The following TTC38 variants were observed in gnomAD, a reference collection of about 807,000 sequenced individuals.
TTC38 encodes the protein tetratricopeptide repeat domain 38.
Under a neutral mutation model 64.2 loss-of-function variants are expected in TTC38, and 64 were observed. The observed-to-expected ratio is 1.00, with a 90% CI of 0.81 to 1.23. The LOEUF (loss-of-function observed/expected upper bound fraction) is 1.23. Among genes scored for constraint, TTC38 ranks in the 50% most tolerant of loss-of-function variants. The pLI is 0.00. For missense variants in TTC38, 573 were observed against 615.5 expected (o/e 0.93, Z 0.73); for synonymous variants, 254 against 249.3 (o/e 1.02, Z -0.18).
chr22:46,288,406 C>T lies in TTC38; in HGVS notation c.917-17C>T, dbSNP rs2077586731. The stretch of plus-strand genomic sequence containing the variant: ...GAGCCTCACTCCAGGCCCTGGGTCT[C>T]CTCCCCATGTCCTCAGGAGTGTCTG... On this transcript the variant is annotated splice_polypyrimidine_tract_variant and intron_variant, in intron 10 of 13. Coordinates refer to ENST00000381031, the MANE Select transcript of TTC38 (RefSeq NM_017931.4). The T allele has an allele frequency of 6.2e-7, 1 of 1,610,020 alleles. No homozygotes were observed.
At chr22:46,269,753 C>T (rs1173506995) in intron 2 of TTC38, among the ~76,000 whole-genome samples, 1 of 152,140 alleles carries the variant, frequency 6.6e-6, no homozygotes, top group Admixed American at 6.6e-5. Flanking sequence ...TGACCTGGCT[C>T]ACTTGCCCTT....
rs1434414789 is a variant in TTC38, at chr22:46,270,205, T to C, written c.111+1614T>C. Among the ~76,000 whole-genome samples the C allele has an allele frequency of 2.0e-5, 3 of 152,224 alleles. No homozygotes were observed. In the East Asian group the frequency reaches 5.8e-4, roughly 29 times the overall value. Reference sequence around the variant, plus strand: ...TCTCTGTGCTGTCCTGTGTTAGAACTTGGCTTCTTTAAATCTCTGTGCCAA... The same window carrying C: ...TCTCTGTGCTGTCCTGTGTTAGAACCTGGCTTCTTTAAATCTCTGTGCCAA... On this transcript the variant is annotated intron_variant, in intron 2 of 13. Transcript: ENST00000381031. The surrounding 1 kb of genome is among the most constrained non-coding windows in gnomAD (Gnocchi z 4.7).
chr22:46,285,357 C>A, intron 9 of TTC38, 78 bp downstream of exon 9: 1 of 1,367,884 alleles, frequency 7.3e-7, no homozygotes, highest in Non-Finnish European at 1.0e-6. Context: ...TTTTTGAGTT[C>A]ATCAGGATTG....
In TTC38 at chr22:46,291,855, C is replaced by T. The variant is rs1196549733; in HGVS notation, c.1317-936C>T. ...CCTGTAATCCCGGCTAGTCGGGAGC[C>T]TGAGGCAGGAGAATCGCTTGAACCT... On this transcript the variant is annotated intron_variant, in intron 13 of 13. Transcript: ENST00000381031. The surrounding 1 kb of genome is among the most constrained non-coding windows in gnomAD (Gnocchi z 4.6). Among the ~76,000 whole-genome samples the T allele has an allele frequency of 6.6e-6, 1 of 152,184 alleles. No individual in the cohort carries two copies. Among genetic ancestry groups the T allele is most frequent in the Non-Finnish European group, 1.5e-5 (1 of 68,038 alleles).
chr22:46,288,573 T>C lies in TTC38; in HGVS notation c.1067T>C (p.Leu356Pro), dbSNP rs918176818. Reference protein sequence around the residue: ...PQTTQELLTTLRDASESPGEN... With the variant: ...PQTTQELLTTPRDASESPGEN... ...ACCACACAGGAGCTGCTGACCACCC[T>C]GCGGGACGCCAGCGAGTATGCAGAG... The change falls in exon 11 of 14, where the codon CTG (leucine) becomes CCG (proline). Residue 356 changes from leucine (L) to proline (P), a missense_variant. Transcript: ENST00000381031. The C allele has an allele frequency of 6.2e-7, 1 of 1,612,864 alleles. No individual in the cohort carries two copies. Among genetic ancestry groups the C allele is most frequent in the Non-Finnish European group, 8.5e-7 (1 of 1,179,488 alleles).
At position 46,282,735 on chromosome 22, in the gene TTC38, G is replaced by A. The variant is rs894973697; in HGVS notation, c.735+1017G>A. Among the ~76,000 whole-genome samples the A allele has an allele frequency of 3.3e-5, 5 of 152,072 alleles. No homozygotes were observed. Among genetic ancestry groups the A allele is most frequent in the African/African-American group, 4.8e-5 (2 of 41,412 alleles). On this transcript the variant is annotated intron_variant, in intron 7 of 13. Transcript: ENST00000381031. This position sits in a 1 kb window ranked among gnomAD's most constrained non-coding sequence, Gnocchi z 4.4. ...GGCACTCTAGCTTGTTGAGGATCAC[G>A]AGTCCAGTCTCCTGAGCTTGGAAAT...
chr22:46,284,024 A>G lies in TTC38; in HGVS notation c.787A>G (p.Ile263Val). The G allele has an allele frequency of 1.4e-5, 22 of 1,602,128 alleles. No individual in the cohort carries two copies. Among genetic ancestry groups the G allele is most frequent in the Non-Finnish European group, 1.9e-5 (22 of 1,175,694 alleles). Residue 263 changes from isoleucine to valine, a missense_variant, in exon 8 of 14, where the codon ATT (isoleucine) becomes GTT (valine). Ile to Val is a conservative substitution (Grantham distance 29, BLOSUM62 3). Coordinates refer to ENST00000381031, the MANE Select transcript of TTC38 (RefSeq NM_017931.4). ...HNYWHWALYL[I>V]EKGEYEAALT... ...CTATTGGCACTGGGCTTTATATCTG[A>G]TTGAGAAGGTAAGGTGACCATCTGT... is the stretch of plus-strand genomic sequence containing the variant.
rs1221321674 is a variant in TTC38 at position 46,280,569 on chromosome 22, C to T, written c.616-1030C>T. ...CCTGCTTAGACTGTGCCCAAGTGTC[C>T]TGTACTCAGAGCCCCTGCCCAGGGG... On this transcript the variant is annotated intron_variant, in intron 6 of 13. Transcript: ENST00000381031. 7.2e-5 allele frequency among the ~76,000 whole-genome samples: 11 copies of T among 152,372 alleles called. No individual in the cohort carries two copies. The East Asian group carries it at 1.7e-3, about 24-fold the overall frequency.
intron 9 of TTC38, among the ~76,000 whole-genome samples, chr22:46,286,346 C>T (rs1163111207): frequency 3.3e-5 from 5 of 152,050 alleles, no homozygotes; most frequent in African/African-American, 7.2e-5. Context: ...CCTTTCTACA[C>T]GGTCAGGAAG....
At chr22:46,289,603 C>G in intron 12 of TTC38, 42 bp downstream of exon 12, 1 of 1,551,932 alleles carries the variant, frequency 6.4e-7, no homozygotes, top group African/African-American at 1.4e-5. Flanking sequence ...GGGCCTGGGC[C>G]AGGGAGTCTG....
chr22:46,269,945 A>G (rs114145924), intron 2 of TTC38, among the ~76,000 whole-genome samples: 3,051 of 152,292 alleles, frequency 0.02, 98 homozygotes, highest in African/African-American at 0.069. Context: ...GGCACGCACC[A>G]TCATACCCAG....
chr22:46,290,505 GCAT>G (rs772518871), intron 13 of TTC38, among the ~76,000 whole-genome samples: 5,983 of 144,556 alleles, frequency 0.041, 201 homozygotes, highest in Non-Finnish European at 0.063. Context: ...TGTTAGGGTG[GCAT>G]GGCTGGAGGG....
intron 6 of TTC38, chr22:46,280,030 C>G (rs969968746): frequency 4.5e-6 from 2 of 440,478 alleles, no homozygotes; most frequent in African/African-American, 2.0e-5. Flanking sequence ...CCTCCCTTCT[C>G]CATTGCTCCC....
In TTC38 at chr22:46,293,702, G is replaced by A; in HGVS notation, c.*818G>A. The A allele has an allele frequency of 6.6e-6, 1 of 152,328 alleles. No homozygotes were observed. The highest frequency in any genetic ancestry group is 1.9e-4 in the East Asian group (1 of 5,200). The allele number at this position is 152,328 out of a possible 1,614,324, so 9.4% of individuals were successfully genotyped here. A position where few individuals can be genotyped will look rare whatever the true frequency, so the allele number is the denominator to read the frequency against. Reference sequence around the variant, plus strand: ...GTGGCAAAACCCAAAGTGCTGTGATGTGTGGCTGTGACAAGCCTGGAGCGG... The same window carrying A: ...GTGGCAAAACCCAAAGTGCTGTGATATGTGGCTGTGACAAGCCTGGAGCGG... On this transcript the variant is annotated 3_prime_UTR_variant, in exon 14 of 14. Transcript: ENST00000381031. This position sits in a 1 kb window ranked among gnomAD's most constrained non-coding sequence, Gnocchi z 6.6.
rs199525510 is a variant in TTC38 at position 46,289,535 on chromosome 22, G to A, written c.1216G>A (p.Val406Ile). ...ELLLPIRYRI[V>I]QLGGSNAQRD... The stretch of plus-strand genomic sequence containing the variant: ...GCTCCTGCCCATCCGCTACCGGATC[G>A]TCCAGCTCGGTGGGAGCAATGCCCA... The change falls in exon 12 of 14, where the codon GTC (valine) becomes ATC (isoleucine). Residue 406 changes from valine to isoleucine, a missense_variant. This residue lies in a region of TTC38 where 371 missense variants were observed against 381.8 expected (regional missense o/e 0.97). Transcript: ENST00000381031. 39 of 1,598,286 alleles carry A rather than the reference G, an allele frequency of 2.4e-5. 1 individual carries two copies. Among genetic ancestry groups the A allele is most frequent in the African/African-American group, 1.7e-4 (13 of 74,948 alleles).
chr22:46,268,180 T>TGA, intron 1 of TTC38, 108 bp downstream of exon 1: 1 of 1,304,226 alleles, frequency 7.7e-7, no homozygotes, highest in Non-Finnish European at 1.0e-6. Flanking sequence ...GGGCGTGGGG[T>TGA]GAGCCCTGGG....
intron 12 of TTC38, 72 bp from the exon 13 acceptor site, chr22:46,289,754 C>T (rs999856708): frequency 1.9e-6 from 3 of 1,547,536 alleles, no homozygotes; most frequent in South Asian, 1.1e-5. Context: ...GAGCAGGCAG[C>T]CCGCGGTGGG....
At position 46,292,897 on chromosome 22, in the gene TTC38, G is replaced by A. The variant is rs750681441; in HGVS notation, c.*13G>A. ...CCTCATGCAGTGAGCCAGCCTGGCC[G>A]CCTCCACCCTGCAGAACCTCAGTGG... On this transcript the variant is annotated 3_prime_UTR_variant, in exon 14 of 14. Coordinates refer to ENST00000381031, the MANE Select transcript of TTC38 (RefSeq NM_017931.4). This position sits in a 1 kb window ranked among gnomAD's most constrained non-coding sequence, Gnocchi z 6.5. The A allele has an allele frequency of 1.5e-5, 24 of 1,605,500 alleles. No individual in the cohort carries two copies. The highest frequency in any genetic ancestry group is 8.8e-5 in the South Asian group (8 of 90,938).
chr22:46,290,010 AGGCTG>A, intron 13 of TTC38, 111 bp downstream of exon 13: 1 of 962,318 alleles, frequency 1.0e-6, no homozygotes, highest in Non-Finnish European at 1.7e-6. Flanking sequence ...CCTGCTTCTG[AGGCTG>A]TGAGGTCGGG....
Sources: gnomAD v4.1 joint callset for allele counts (sites outside exome capture counted in the v4.1 genomes callset) on GRCh38, gnomAD v4.1.1 for gene constraint, gnomAD v4.1.1 regional missense constraint, Gnocchi (gnomAD v3.1) non-coding constraint, MANE v1.5 for transcripts, NCBI Gene and HGNC (gene_info 2026-07-23, HGNC 2026-07-21) for gene names.